PLCB4: variants seen among roughly 807,000 people sequenced by gnomAD.
The protein encoded by PLCB4 is 1-phosphatidylinositol 4,5-bisphosphate phosphodiesterase beta-4.
PLCB4 carries 77 observed loss-of-function variants against 178.8 expected under a neutral mutation model. The ratio of observed to expected loss-of-function variants is 0.43; its 90% CI spans 0.36 to 0.52. The LOEUF (loss-of-function observed/expected upper bound fraction) is 0.52. PLCB4 is among the 20% of genes least tolerant of loss of function. The pLI is 0.00. For missense variants in PLCB4, 1,024 were observed against 1,453.4 expected, an observed-to-expected ratio of 0.70 and a Z score of 4.80; for synonymous variants, 496 against 490.8, an observed-to-expected ratio of 1.01 and a Z score of -0.14.
intron 2 of PLCB4, among the ~76,000 whole-genome samples, chr20:9,206,299 C>CTTTTTTCTTT (rs1568948051): frequency 9.4e-5 from 9 of 96,114 alleles, no homozygotes; most frequent in African/African-American, 1.5e-4. Flanking sequence ...TTTCTTTTTT[C>CTTTTTTCTTT]TTTTTTTTTT....
chr20:9,159,611 T>C (rs879478688), intron 2 of PLCB4, among the ~76,000 whole-genome samples: 4 of 152,194 alleles, frequency 2.6e-5, no homozygotes, highest in Non-Finnish European at 4.4e-5. Flanking sequence ...ATAATTTCCC[T>C]GTATTCTGAT....
At chr20:9,417,850 C>A (rs1163402680) in intron 25 of PLCB4, among the ~76,000 whole-genome samples, 3 of 152,152 alleles carry the variant, frequency 2.0e-5, no homozygotes, top group Non-Finnish European at 4.4e-5. Flanking sequence ...TTCTCCACAT[C>A]CTTGTCAACA....
intron 2 of PLCB4, among the ~76,000 whole-genome samples, chr20:9,212,776 G>A (rs1344482136): frequency 6.6e-6 from 1 of 152,090 alleles, no homozygotes; most frequent in Middle Eastern, 3.2e-3. Context: ...AAGAATGTGA[G>A]TGTTTTCTCA....
chr20:9,128,573 C>T (rs1465711207), intron 2 of PLCB4, among the ~76,000 whole-genome samples: 6 of 152,182 alleles, frequency 3.9e-5, no homozygotes, highest in Admixed American at 6.5e-5. Flanking sequence ...TTAGTAGAAA[C>T]GGGGTTTCGC....
rs1422164882 is a variant in PLCB4 at position 9,337,218 on chromosome 20, G to GAA, written c.165+13_165+14dup. 6.3e-7 allele frequency: 1 copy of GAA among 1,597,576 alleles called. No individual in the cohort carries two copies. ...GAAGTGAAGGCAAGGTATGGCCCAAGAAGAGCAAGTTGTTCTTTCTGCTTT... is the reference window on the plus strand; with the variant it reads ...GAAGTGAAGGCAAGGTATGGCCCAAGAAAAGAGCAAGTTGTTCTTTCTGCTTT... On this transcript the variant is annotated intron_variant, in intron 5 of 39. Coordinates refer to ENST00000378473, the MANE Select transcript of PLCB4 (RefSeq NM_001377142.1).
chr20:9,384,300 C>G lies in PLCB4; in HGVS notation c.953C>G (p.Pro318Arg), dbSNP rs751524868. The G allele has an allele frequency of 6.2e-7, 1 of 1,613,834 alleles. No homozygotes were observed. Among genetic ancestry groups the G allele is most frequent in the Non-Finnish European group, 8.5e-7 (1 of 1,179,840 alleles). Reference protein sequence around the residue: ...RLELYQEMDHPLAHYFISSSH... With the variant: ...RLELYQEMDHRLAHYFISSSH... Reference sequence around the variant, plus strand: ...GAACTTTACCAAGAAATGGACCATCCTCTGGCTCACTACTTCATCAGTTCT... The same window carrying G: ...GAACTTTACCAAGAAATGGACCATCGTCTGGCTCACTACTTCATCAGTTCT... The change falls in exon 14 of 40, where the codon CCT (proline) becomes CGT (arginine). Residue 318 changes from proline to arginine, a missense_variant. By Grantham distance (103) the Pro-to-Arg change is moderately radical (BLOSUM62 -2). This residue lies in a region of PLCB4 where 263 missense variants were observed against 417.4 expected (regional missense o/e 0.63). Transcript: ENST00000378473.
intron 3 of PLCB4, among the ~76,000 whole-genome samples, chr20:9,254,448 A>G (rs2094212889): frequency 6.6e-6 from 1 of 152,186 alleles, no homozygotes; most frequent in African/African-American, 2.4e-5. Flanking sequence ...TAACCCCAGC[A>G]CTTCGGGAGG....
chr20:9,105,087 A>G (rs1240246133), intron 2 of PLCB4, among the ~76,000 whole-genome samples: 1 of 152,166 alleles, frequency 6.6e-6, no homozygotes, highest in Non-Finnish European at 1.5e-5. Context: ...TTAACAGAGT[A>G]TGTTTAGACT....
At chr20:9,360,829 G>A (rs1351559987) in intron 7 of PLCB4, among the ~76,000 whole-genome samples, 1 of 152,180 alleles carries the variant, frequency 6.6e-6, no homozygotes, top group Admixed American at 6.5e-5. Flanking sequence ...TTACAGCTCT[G>A]CTTTTGCTAG....
chr20:9,459,217 A>C lies in PLCB4; in HGVS notation c.3073-418A>C, dbSNP rs185415985. On this transcript the variant is annotated intron_variant, in intron 34 of 39. Transcript: ENST00000378473. ...AAATTAGCTGGGCATGGTGGCACGC[A>C]TCTGTAATCCCAGCTACTTGGGAAG... Among the ~76,000 whole-genome samples the C allele has an allele frequency of 6.7e-3, 1,017 of 152,224 alleles. 5 individuals carry two copies. Among genetic ancestry groups the C allele is most frequent in the Non-Finnish European group, 0.011 (718 of 68,008 alleles).
In PLCB4 at chr20:9,140,582, C is replaced by T. The variant is rs138159668; in HGVS notation, c.-79+44240C>T. Among the ~76,000 whole-genome samples the T allele has an allele frequency of 4.1e-3, 619 of 151,860 alleles. 4 individuals are homozygous for T. The highest frequency in any genetic ancestry group is 6.8e-3 in the Middle Eastern group (2 of 292). ...AGGTATTTGGGTCATGGGAGCAGAT[C>T]GCTCATGACTGTCTCGGTGCCCTCC... is the stretch of plus-strand genomic sequence containing the variant. On this transcript the variant is annotated intron_variant, in intron 2 of 39. Transcript: ENST00000378473.
chr20:9,092,340 G>A (rs903795072), intron 1 of PLCB4, among the ~76,000 whole-genome samples: 1 of 152,002 alleles, frequency 6.6e-6, no homozygotes, highest in Admixed American at 6.6e-5. Context: ...AGTGTGGCTC[G>A]GTAGAGTGAT....
chr20:9,241,452 T>G (rs1283086900), intron 3 of PLCB4, among the ~76,000 whole-genome samples: 1 of 149,392 alleles, frequency 6.7e-6, no homozygotes, highest in Non-Finnish European at 1.5e-5. Flanking sequence ...GAGAAACCAA[T>G]GAACCAAAAG....
chr20:9,189,904 C>G (rs576170940), intron 2 of PLCB4, among the ~76,000 whole-genome samples: 1 of 152,276 alleles, frequency 6.6e-6, no homozygotes, highest in Middle Eastern at 3.4e-3. Context: ...TACTGTTACA[C>G]TAGGGATTAG....
At chr20:9,464,548 A>G (rs2043633127) in intron 35 of PLCB4, among the ~76,000 whole-genome samples, 3 of 152,282 alleles carry the variant, frequency 2.0e-5, no homozygotes, top group African/African-American at 7.2e-5. Flanking sequence ...ACTAATAAAG[A>G]AGAAAAGAGA....
chr20:9,418,323 T>C (rs1368168284), intron 25 of PLCB4, among the ~76,000 whole-genome samples: 1 of 152,148 alleles, frequency 6.6e-6, no homozygotes, highest in Non-Finnish European at 1.5e-5. Context: ...TGAGCTAATT[T>C]TTGTATATGG....
chr20:9,312,842 C>T (rs6056524), intron 4 of PLCB4, among the ~76,000 whole-genome samples: 1 of 152,126 alleles, frequency 6.6e-6, no homozygotes, highest in Non-Finnish European at 1.5e-5. Flanking sequence ...GGCTAATGTC[C>T]TATAAGGCAA....
At chr20:9,351,744 C>A (rs2034366052) in intron 7 of PLCB4, among the ~76,000 whole-genome samples, 1 of 152,158 alleles carries the variant, frequency 6.6e-6, no homozygotes, top group African/African-American at 2.4e-5. Flanking sequence ...TTGGTGGATG[C>A]TGCCTAGTTA....
rs564821900 is a variant in PLCB4 at position 9,198,906 on chromosome 20, C to T, written c.-78-18484C>T. Reference sequence around the variant, plus strand: ...CCATTGTATTCTCTTTTTTAAAGGCCACCTATGAAAATAGTAGAGGGCTAT... The same window carrying T: ...CCATTGTATTCTCTTTTTTAAAGGCTACCTATGAAAATAGTAGAGGGCTAT... On this transcript the variant is annotated intron_variant, in intron 2 of 39. Transcript: ENST00000378473. 2.0e-5 allele frequency among the ~76,000 whole-genome samples: 3 copies of T among 152,208 alleles called. No homozygotes were observed. The South Asian group carries it at 6.2e-4, about 32-fold the overall frequency.
Sources: gnomAD v4.1 joint callset for allele counts (sites outside exome capture counted in the v4.1 genomes callset) on GRCh38, gnomAD v4.1.1 for gene constraint, gnomAD v4.1.1 regional missense constraint, MANE v1.5 for transcripts, NCBI Gene and HGNC (gene_info 2026-07-23, HGNC 2026-07-21) for gene names.